Variants in FGD6 observed in about 807,000 individuals in gnomAD.
FGD6 encodes FYVE, RhoGEF and PH domain containing 6.
FGD6 carries 90 observed loss-of-function variants against 149.4 expected under a neutral mutation model. The ratio of observed to expected loss-of-function variants is 0.60; its 90% confidence interval spans 0.51 to 0.72. The LOEUF (loss-of-function observed/expected upper bound fraction) is 0.72, where lower values mean the gene tolerates loss of function less well. Ranked by LOEUF, FGD6 falls within the 30% of genes least tolerant of loss-of-function variation. FGD6 has a pLI of 0.00. For missense variants in FGD6, 1,437 were observed against 1,684.8 expected, an observed-to-expected ratio of 0.85 and a Z score of 2.57; for synonymous variants, 527 against 584.0, an observed-to-expected ratio of 0.90 and a Z score of 1.41.
At chr12:95,164,019 C>T (rs1478861795) in intron 3 of FGD6, among the ~76,000 whole-genome samples, 1 of 152,218 alleles carries the variant, frequency 6.6e-6, no homozygotes, top group Non-Finnish European at 1.5e-5. Flanking sequence ...AAAATCCTCA[C>T]TTAAATTACA....
chr12:95,177,359 A>G (rs1881162364), intron 2 of FGD6, among the ~76,000 whole-genome samples: 1 of 152,220 alleles, frequency 6.6e-6, no homozygotes, highest in Non-Finnish European at 1.5e-5. Flanking sequence ...GACAAATTCC[A>G]GCTATCTTTT....
At chr12:95,207,416 G>A (rs1463983135) in intron 2 of FGD6, among the ~76,000 whole-genome samples, 1 of 152,164 alleles carries the variant, frequency 6.6e-6, no homozygotes, top group Non-Finnish European at 1.5e-5. Context: ...TATGTGCCAA[G>A]TATTTTCTAG....
intron 2 of FGD6, chr12:95,189,419 G>A (rs1368118358): frequency 3.3e-5 from 5 of 152,350 alleles, no homozygotes; most frequent in Non-Finnish European, 7.3e-5. Context: ...AAGCCGATGA[G>A]GGAGGATCGC....
chr12:95,216,335 C>T (rs1228530183), intron 1 of FGD6, among the ~76,000 whole-genome samples: 1 of 152,204 alleles, frequency 6.6e-6, no homozygotes, highest in African/African-American at 2.4e-5. Flanking sequence ...TAAACTATTT[C>T]ACTATAAAAT....
chr12:95,115,385 G>T (rs865783504), intron 8 of FGD6, among the ~76,000 whole-genome samples: 1 of 142,204 alleles, frequency 7.0e-6, no homozygotes, highest in Admixed American at 7.6e-5. Context: ...CTACTGGTGT[G>T]TGCCTCCATG....
chr12:95,148,714 CAT>C (rs1387541186), intron 5 of FGD6, among the ~76,000 whole-genome samples: 7 of 98,104 alleles, frequency 7.1e-5, no homozygotes, highest in African/African-American at 1.3e-4. Context: ...TAATACATAG[CAT>C]ATGTTATATT....
At chr12:95,155,710 A>G (rs1880449081) in intron 3 of FGD6, among the ~76,000 whole-genome samples, 3 of 152,202 alleles carry the variant, frequency 2.0e-5, no homozygotes, top group Admixed American at 2.0e-4. Flanking sequence ...GGGACTACGT[A>G]AAGTGAGAGT....
intron 13 of FGD6, among the ~76,000 whole-genome samples, chr12:95,106,332 G>A (rs759945220): frequency 4.0e-5 from 6 of 149,540 alleles, no homozygotes; most frequent in South Asian, 2.1e-4. Flanking sequence ...GTGTAGTCGC[G>A]CGAGCTCAGC....
At chr12:95,134,661 C>A in intron 8 of FGD6, 78 bp downstream of exon 8, 1 of 1,281,388 alleles carries the variant, frequency 7.8e-7, no homozygotes, top group East Asian at 2.4e-5. Context: ...AGAGAGGCAC[C>A]CGAGTTTCAT....
chr12:95,158,619 T>C (rs936264496), intron 3 of FGD6, among the ~76,000 whole-genome samples: 1 of 152,136 alleles, frequency 6.6e-6, no homozygotes, highest in African/African-American at 2.4e-5. Flanking sequence ...ATAACTGTTA[T>C]TTTGAAAACA....
At chr12:95,105,941 C>T (rs1169880085) in intron 13 of FGD6, among the ~76,000 whole-genome samples, 1 of 152,046 alleles carries the variant, frequency 6.6e-6, no homozygotes, top group South Asian at 2.1e-4. Context: ...ACTCGGGAGG[C>T]AGAGGTTGCA....
intron 2 of FGD6, among the ~76,000 whole-genome samples, chr12:95,198,164 C>A (rs1371794479): frequency 6.6e-6 from 1 of 152,096 alleles, no homozygotes; most frequent in Non-Finnish European, 1.5e-5. Flanking sequence ...AATAGTGAAA[C>A]CATGGCTCAC....
chr12:95,093,502 A>G (rs1878134926), intron 15 of FGD6, among the ~76,000 whole-genome samples: 2 of 151,848 alleles, frequency 1.3e-5, no homozygotes, highest in South Asian at 4.2e-4. Context: ...CAACATGGAG[A>G]AACCCTGTCT....
intron 2 of FGD6, among the ~76,000 whole-genome samples, chr12:95,193,672 G>A (rs1012343376): frequency 6.6e-5 from 10 of 151,898 alleles, no homozygotes; most frequent in Middle Eastern, 3.4e-3. Context: ...GGGACTACAA[G>A]CATGCACCAC....
chr12:95,090,304 A>AG (rs1198560945), intron 17 of FGD6, among the ~76,000 whole-genome samples: 1 of 151,984 alleles, frequency 6.6e-6, no homozygotes, highest in South Asian at 2.1e-4. Context: ...ATTAAAAAAA[A>AG]GGGGCTGGTT....
chr12:95,204,238 T>G (rs1490990338), intron 2 of FGD6, among the ~76,000 whole-genome samples: 1 of 152,160 alleles, frequency 6.6e-6, no homozygotes, highest in Non-Finnish European at 1.5e-5. Context: ...CCATGGGAAC[T>G]TCCCTTCCAG....
In FGD6 at chr12:95,157,865, T is replaced by C. The variant is rs980517125; in HGVS notation, c.2587-4872A>G. On this transcript the variant is annotated intron_variant, in intron 3 of 20. Transcript: ENST00000343958. ...CAACTACATTCACTCACTTTTTGTT[T>C]TGAGACAGAGTCTCGTTCTGTCGCC... 1.1e-4 allele frequency among the ~76,000 whole-genome samples: 16 copies of C among 152,320 alleles called. 1 individual carries two copies. The highest frequency in any genetic ancestry group is 1.0e-3 in the Admixed American group (16 of 15,296).
At chr12:95,084,476 A>C in intron 20 of FGD6, 22 bp downstream of exon 20, 4 of 1,502,120 alleles carry the variant, frequency 2.7e-6, no homozygotes, top group Non-Finnish European at 3.5e-6. Flanking sequence ...GAATAAAAGA[A>C]AAATATGGCC....
intron 5 of FGD6, among the ~76,000 whole-genome samples, chr12:95,143,590 A>C (rs1879921523): frequency 6.6e-6 from 1 of 152,198 alleles, no homozygotes; most frequent in African/African-American, 2.4e-5. Context: ...ATAAGCTCTA[A>C]TCCAGAAAAC....
Sources: allele counts gnomAD v4.1 joint callset (sites outside exome capture counted in the v4.1 genomes callset), GRCh38; gene constraint gnomAD v4.1.1; transcripts MANE v1.5; gene names NCBI Gene and HGNC (gene_info 2026-07-23, HGNC 2026-07-21).